NTS: variants seen among roughly 807,000 people sequenced by gnomAD.
The protein encoded by NTS is neurotensin.
A neutral mutation model predicts 19.5 loss-of-function variants in NTS; 20 were observed. The observed-to-expected ratio is 1.02, with a 90% CI of 0.72 to 1.49. NTS has a LOEUF of 1.49. Ranked by LOEUF, NTS falls within the 40% of genes most tolerant of loss-of-function variation. The probability of loss-of-function intolerance (pLI) is 0.00; values close to 1 mark genes in which losing one functional copy is unlikely to be tolerated. For missense variants in NTS, 215 were observed against 193.1 expected (o/e 1.11, Z -0.67); for synonymous variants, 71 against 63.3 (o/e 1.12, Z -0.58).
intron 3 of NTS, among the ~76,000 whole-genome samples, chr12:85,879,187 T>TA (rs1360595245): frequency 2.4e-5 from 3 of 125,700 alleles, no homozygotes; most frequent in African/African-American, 8.7e-5. Flanking sequence ...AAAATATATT[T>TA]TTATGTATAT....
intron 2 of NTS, 118 bp downstream of exon 2, chr12:85,876,819 C>A (rs879223227): frequency 5.9e-6 from 3 of 511,928 alleles, no homozygotes; most frequent in Non-Finnish European, 9.9e-6. Flanking sequence ...CCTTGAGAGG[C>A]ATTTCCTTTT....
At chr12:85,879,797 A>T (rs56346018) in intron 3 of NTS, among the ~76,000 whole-genome samples, 6 of 121,666 alleles carry the variant, frequency 4.9e-5, no homozygotes, top group Admixed American at 8.2e-5. Flanking sequence ...ATATTTTTGT[A>T]TATAAAATAT....
chr12:85,879,949 G>A (rs1881465418), intron 3 of NTS, among the ~76,000 whole-genome samples: 1 of 147,930 alleles, frequency 6.8e-6, no homozygotes, highest in South Asian at 2.1e-4. Context: ...TAGTGCAAAA[G>A]TAATTGCAGT....
rs186129760 is a variant in NTS, at chr12:85,876,046, A to T, written c.74-594A>T. Among the ~76,000 whole-genome samples the T allele has an allele frequency of 2.7e-3, 415 of 152,058 alleles. 1 individual carries two copies. Among genetic ancestry groups the T allele is most frequent in the African/African-American group, 9.5e-3 (396 of 41,530 alleles). On this transcript the variant is annotated intron_variant, in intron 1 of 3. Coordinates refer to ENST00000256010, the MANE Select transcript of NTS (RefSeq NM_006183.5). The stretch of plus-strand genomic sequence containing the variant: ...GAACAGCTCCACTTTTGCTTTAAAC[A>T]ATTTCCTTAAATGCCTATGAAAAAA...
intron 2 of NTS, among the ~76,000 whole-genome samples, chr12:85,877,591 A>C (rs1223881469): frequency 6.6e-6 from 1 of 151,924 alleles, no homozygotes; most frequent in African/African-American, 2.4e-5. Context: ...TTCTGCACCT[A>C]TCAACCCATC....
rs1283872316 is a variant in NTS, at chr12:85,879,330, ATTTTATG to A, written c.360+763_360+769del. 1.0e-4 allele frequency among the ~76,000 whole-genome samples: 10 copies of A among 96,784 alleles called. 5 individuals carry two copies. The highest frequency in any genetic ancestry group is 0.029 in the Middle Eastern group (2 of 68). The allele number at this position is 96,784 out of a possible 152,430, so 63.5% of individuals were successfully genotyped here. On this transcript the variant is annotated intron_variant, in intron 3 of 3. Transcript: ENST00000256010. ...TGTATATAAAATATATTTAATGTAT[ATTTTATG>A]TATATTTTATGTATATAAAACATAT...
intron 3 of NTS, 109 bp from the exon 4 acceptor site, chr12:85,882,114 T>G (rs1279931809): frequency 1.2e-6 from 1 of 834,240 alleles, no homozygotes; most frequent in Non-Finnish European, 1.9e-6. Flanking sequence ...GTATCTCACC[T>G]ACATATGTCT....
At position 85,874,436 on chromosome 12, in the gene NTS, C is replaced by T; in HGVS notation, c.33C>T (p.Cys11=). 2 of 1,613,446 alleles carry T rather than the reference C, an allele frequency of 1.2e-6. No homozygotes were observed. Among genetic ancestry groups the T allele is most frequent in the South Asian group, 1.1e-5 (1 of 91,064 alleles). The change falls in exon 1 of 4, where the codon TGC becomes TGT. Residue 11 remains cysteine (C), a synonymous_variant. Coordinates refer to ENST00000256010, the MANE Select transcript of NTS (RefSeq NM_006183.5). The stretch of plus-strand genomic sequence containing the variant: ...CAGGAATGAAAATCCAGCTTGTATG[C>T]ATGCTACTCCTGGCTTTCAGCTCCT... MMAGMKIQLV[C]MLLLAFSSWS...
chr12:85,880,269 G>A (rs1377340327), intron 3 of NTS, among the ~76,000 whole-genome samples: 4 of 152,018 alleles, frequency 2.6e-5, no homozygotes, highest in Non-Finnish European at 5.9e-5. Context: ...ATAAATTACA[G>A]CTTTGGAAAG....
In NTS at chr12:85,878,342, C is replaced by T. The variant is rs753921708; in HGVS notation, c.136-3C>T. The T allele has an allele frequency of 1.3e-6, 2 of 1,564,190 alleles. No homozygotes were observed. Among genetic ancestry groups the T allele is most frequent in the South Asian group, 2.4e-5 (2 of 83,120 alleles). ...TTGCAGGGGTTTTTTTAATATATTT[C>T]AGATTAGTAAAGCACATGTTCCCTC... On this transcript the variant is annotated splice_region_variant and splice_polypyrimidine_tract_variant and intron_variant, in intron 2 of 3. Coordinates refer to ENST00000256010, the MANE Select transcript of NTS (RefSeq NM_006183.5).
intron 3 of NTS, among the ~76,000 whole-genome samples, chr12:85,880,000 C>T (rs61930901): frequency 0.067 from 9,989 of 149,410 alleles, 466 homozygotes; most frequent in Middle Eastern, 0.2. Flanking sequence ...TAATTACTTT[C>T]GCACCAACCT....
chr12:85,882,390 T>C lies in NTS; in HGVS notation c.*15T>C. 1.3e-6 allele frequency: 2 copies of C among 1,505,038 alleles called. No individual in the cohort carries two copies. Among genetic ancestry groups the C allele is most frequent in the Non-Finnish European group, 1.8e-6 (2 of 1,119,748 alleles). 93.2% of individuals were successfully genotyped at this position (1,505,038 alleles called of 1,614,324 possible). A position where few individuals can be genotyped will look rare whatever the true frequency, so the allele number is the denominator to read the frequency against. On this transcript the variant is annotated 3_prime_UTR_variant, in exon 4 of 4. Transcript: ENST00000256010. ...ACTATTACTGAGAGAATAAATCATT[T>C]ATTTACATGTGATTGTGATTCATCA...
At chr12:85,882,145 A>G in intron 3 of NTS, 78 bp from the exon 4 acceptor site, 1 of 1,121,514 alleles carries the variant, frequency 8.9e-7, no homozygotes, top group Non-Finnish European at 1.3e-6. Context: ...ACAGCAAATG[A>G]GATAGAATGT....
chr12:85,876,171 T>C (rs1053035885), intron 1 of NTS, among the ~76,000 whole-genome samples: 1 of 151,972 alleles, frequency 6.6e-6, no homozygotes, highest in African/African-American at 2.4e-5. Flanking sequence ...TCAGTATCTT[T>C]ATTATTCTAA....
In NTS at chr12:85,878,133, G is replaced by A. The variant is rs371344602; in HGVS notation, c.136-212G>A. 1.2e-3 allele frequency: 494 copies of A among 424,066 alleles called. 6 individuals are homozygous for A. The highest frequency in any genetic ancestry group is 9.1e-3 in the African/African-American group (455 of 49,864). The allele number at this position is 424,066 out of a possible 1,614,324, so 26.3% of individuals were successfully genotyped here. ...TGTACACACATAAGTGCATGTATAT[G>A]TGAATATAACTATTGCATTTTATTA... On this transcript the variant is annotated intron_variant, in intron 2 of 3. Coordinates refer to ENST00000256010, the MANE Select transcript of NTS (RefSeq NM_006183.5).
chr12:85,882,116 CAT>C (rs913402625), intron 3 of NTS, 105 bp from the exon 4 acceptor site: 121 of 848,586 alleles, frequency 1.4e-4, no homozygotes, highest in Middle Eastern at 3.5e-4. Flanking sequence ...ATCTCACCTA[CAT>C]ATGTCTTGCT....
In NTS at chr12:85,878,411, T is replaced by C; in HGVS notation, c.202T>C (p.Leu68=). The C allele has an allele frequency of 6.2e-7, 1 of 1,613,542 alleles. No individual in the cohort carries two copies. The highest frequency in any genetic ancestry group is 1.7e-4 in the Middle Eastern group (1 of 6,060). Residue 68 remains leucine (L), a synonymous_variant, in exon 3 of 4, where the codon TTG becomes CTG. Transcript: ENST00000256010. ...AAATGTTTGCAGTCTTGTAAATAAT[T>C]TGAACAGCCCAGCTGAGGAAACAGG... ...LLNVCSLVNN[L]NSPAEETGEV...
At position 85,874,321 on chromosome 12, in the gene NTS, T is replaced by C; in HGVS notation, c.-83T>C. The C allele has an allele frequency of 2.1e-6, 2 of 944,096 alleles. No homozygotes were observed. The highest frequency in any genetic ancestry group is 3.5e-6 in the Non-Finnish European group (2 of 575,068). 58.5% of individuals were successfully genotyped at this position (944,096 alleles called of 1,614,324 possible). ...TAGTTCACTCACTTTCAAAGCCAGC[T>C]GAAGGAAAGAGGAAGTGCTAGAGAG... On this transcript the variant is annotated 5_prime_UTR_variant, in exon 1 of 4. Coordinates refer to ENST00000256010, the MANE Select transcript of NTS (RefSeq NM_006183.5).
rs760595072 is a variant in NTS, at chr12:85,874,487, C to T, written c.73+11C>T. The T allele has an allele frequency of 6.3e-7, 1 of 1,582,738 alleles. No individual in the cohort carries two copies. ...GGAGTCTGTGCTCAGGTAAGCAAAA[C>T]AGAATTTCACAACTCCCTGAAGTGA... is the stretch of plus-strand genomic sequence containing the variant. On this transcript the variant is annotated intron_variant, in intron 1 of 3. Coordinates refer to ENST00000256010, the MANE Select transcript of NTS (RefSeq NM_006183.5).
Sources: gnomAD v4.1 joint callset for allele counts (sites outside exome capture counted in the v4.1 genomes callset) on GRCh38, gnomAD v4.1.1 for gene constraint, MANE v1.5 for transcripts, NCBI Gene and HGNC (gene_info 2026-07-23, HGNC 2026-07-21) for gene names.